The following CNKSR3 variants were observed in gnomAD, a reference collection of about 807,000 sequenced individuals.
The protein encoded by CNKSR3 is connector enhancer of kinase suppressor of ras 3.
Under a neutral mutation model 67.7 loss-of-function variants are expected in CNKSR3, and 36 were observed. The observed-to-expected ratio is 0.53, with a 90% CI of 0.41 to 0.70. The LOEUF is 0.70. Ranked by LOEUF, CNKSR3 falls within the 30% of genes least tolerant of loss-of-function variation. The pLI is 0.00. For synonymous variants in CNKSR3, 281 were observed against 271.4 expected (o/e 1.04, Z -0.35); for missense variants, 630 against 695.2 (o/e 0.91, Z 1.05).
chr6:154,452,935 G>C (rs1311229366), intron 1 of CNKSR3, among the ~76,000 whole-genome samples: 2 of 152,178 alleles, frequency 1.3e-5, no homozygotes, highest in East Asian at 3.8e-4. Context: ...AATTTCTGTT[G>C]TTCCGGCCTC....
At chr6:154,416,739 G>A (rs1785032131) in intron 9 of CNKSR3, among the ~76,000 whole-genome samples, 1 of 152,030 alleles carries the variant, frequency 6.6e-6, no homozygotes, top group African/African-American at 2.4e-5. Context: ...CCAGGGCTGG[G>A]GACTAAGTCT....
rs1014848904 is a variant in CNKSR3 at position 154,401,744 on chromosome 6, T to G, written c.*4610A>C. On this transcript the variant is annotated 3_prime_UTR_variant, in exon 13 of 13. Coordinates refer to ENST00000607772, the MANE Select transcript of CNKSR3 (RefSeq NM_173515.4). ...AATGTGAACTAATGGTCTACAAAAC[T>G]AATCTCATCTACAATAGAAGAAAAC... The G allele has an allele frequency of 6.6e-6, 1 of 152,196 alleles. No homozygotes were observed. The highest frequency in any genetic ancestry group is 2.4e-5 in the African/African-American group (1 of 41,446). The allele number at this position is 152,196 out of a possible 1,614,324, so 9.4% of individuals were successfully genotyped here.
intron 12 of CNKSR3, 88 bp from the exon 13 acceptor site, chr6:154,406,740 TG>T: frequency 8.5e-7 from 1 of 1,182,722 alleles, no homozygotes. Flanking sequence ...GAGGTCGAGG[TG>T]GGTGGATCAC....
In CNKSR3 at chr6:154,422,542, G is replaced by C. The variant is rs929318088; in HGVS notation, c.909C>G (p.Pro303=). The C allele has an allele frequency of 6.2e-7, 1 of 1,613,966 alleles. No individual in the cohort carries two copies. Among genetic ancestry groups the C allele is most frequent in the Non-Finnish European group, 8.5e-7 (1 of 1,180,008 alleles). The change falls in exon 9 of 13, where the codon CCC becomes CCG. Residue 303 remains proline, a synonymous_variant. Coordinates refer to ENST00000607772, the MANE Select transcript of CNKSR3 (RefSeq NM_173515.4). The part of the protein sequence containing the change: ...PTGSFNFTPA[P]LKNLRWKPPL... Reference sequence around the variant, plus strand: ...GTGGCTTCCACCGTAGGTTTTTCAGGGGAGCAGGAGTAAAGTTGAAAGACC... The same window carrying C: ...GTGGCTTCCACCGTAGGTTTTTCAGCGGAGCAGGAGTAAAGTTGAAAGACC...
chr6:154,449,974 G>C lies in CNKSR3; in HGVS notation c.216+121C>G. 4 of 1,012,246 alleles carry C rather than the reference G, an allele frequency of 4.0e-6. No homozygotes were observed. The South Asian group carries it at 7.7e-5, about 20-fold the overall frequency. The allele number at this position is 1,012,246 out of a possible 1,614,324, so 62.7% of individuals were successfully genotyped here. A position where few individuals can be genotyped will look rare whatever the true frequency, so the allele number is the denominator to read the frequency against. ...CCTTCCTATAGTATCTTCAGCTCATGTTTTATTTTGATGGAGCATTAAGGA... is the reference window on the plus strand; with the variant it reads ...CCTTCCTATAGTATCTTCAGCTCATCTTTTATTTTGATGGAGCATTAAGGA... On this transcript the variant is annotated intron_variant, in intron 2 of 12. Coordinates refer to ENST00000607772, the MANE Select transcript of CNKSR3 (RefSeq NM_173515.4).
chr6:154,444,889 A>T (rs939833083), intron 2 of CNKSR3, among the ~76,000 whole-genome samples: 1 of 152,098 alleles, frequency 6.6e-6, no homozygotes, highest in Admixed American at 6.6e-5. Context: ...ACAGGCATGA[A>T]CCACTGCACC....
intron 1 of CNKSR3, among the ~76,000 whole-genome samples, chr6:154,451,620 C>T (rs2128719405): frequency 1.3e-5 from 2 of 152,254 alleles, no homozygotes; most frequent in East Asian, 3.9e-4. Context: ...TAGAAAAGGC[C>T]CAGCACTTAC....
chr6:154,407,600 A>C (rs1015112503), intron 12 of CNKSR3, among the ~76,000 whole-genome samples: 9 of 152,030 alleles, frequency 5.9e-5, no homozygotes, highest in African/African-American at 2.2e-4. Flanking sequence ...TCCCAGGCTC[A>C]AGCGATCCTC....
chr6:154,482,755 T>C (rs1786590520), intron 1 of CNKSR3, among the ~76,000 whole-genome samples: 1 of 152,220 alleles, frequency 6.6e-6, no homozygotes. Flanking sequence ...TAGAGTTCTG[T>C]TGTTTAAATA....
chr6:154,444,643 G>A (rs931421898), intron 2 of CNKSR3, among the ~76,000 whole-genome samples: 11 of 135,810 alleles, frequency 8.1e-5, no homozygotes. Context: ...GTTTCACTCT[G>A]TCACCAGGCT....
At chr6:154,429,893 C>T (rs150288982) in intron 6 of CNKSR3, among the ~76,000 whole-genome samples, 74 of 152,244 alleles carry the variant, frequency 4.9e-4, no homozygotes, top group Non-Finnish European at 7.9e-4. Context: ...CCTCAAGAGC[C>T]GGGATTTAAA....
At chr6:154,424,925 C>A (rs775893694) in intron 7 of CNKSR3, among the ~76,000 whole-genome samples, 1 of 152,168 alleles carries the variant, frequency 6.6e-6, no homozygotes, top group African/African-American at 2.4e-5. Context: ...GCACCCACCA[C>A]CACGCCCAGC....
At chr6:154,476,916 C>T (rs774918594) in intron 1 of CNKSR3, among the ~76,000 whole-genome samples, 59 of 152,266 alleles carry the variant, frequency 3.9e-4, no homozygotes, top group Non-Finnish European at 2.8e-4. Context: ...TCTTAAGGTT[C>T]GGTTATCAGG....
chr6:154,497,217 T>C (rs1786897447), intron 1 of CNKSR3, among the ~76,000 whole-genome samples: 1 of 150,966 alleles, frequency 6.6e-6, no homozygotes, highest in Non-Finnish European at 1.5e-5. Context: ...AGACCTCGTT[T>C]CTACTAAAGT....
At position 154,406,563 on chromosome 6, in the gene CNKSR3, G is replaced by A. The variant is rs368606606; in HGVS notation, c.1459C>T (p.Pro487Ser). The change falls in exon 13 of 13, where the codon CCC (proline) becomes TCC (serine). Residue 487 changes from proline to serine, a missense_variant. By Grantham distance (74) the Pro-to-Ser change is moderately conservative. Around this residue, in one of 3 missense-constraint regions of CNKSR3, gnomAD observed 308 missense variants for 299.6 expected, o/e 1.03. Transcript: ENST00000607772. ...SSSPPYRFSR[P>S]TTERHLVRGA... ...CGGACCAGATGCCGCTCGGTCGTGG[G>A]TCTGGAGAACCGGTATGGGGGAGAG... 3 of 1,614,104 alleles carry A rather than the reference G, an allele frequency of 1.9e-6. No homozygotes were observed. The highest frequency in any genetic ancestry group is 2.2e-5 in the East Asian group (1 of 44,888).
At chr6:154,443,403 C>G (rs1005069266) in intron 2 of CNKSR3, among the ~76,000 whole-genome samples, 3 of 152,090 alleles carry the variant, frequency 2.0e-5, no homozygotes, top group African/African-American at 7.2e-5. Context: ...GCAGTAGTAC[C>G]TCCTCCCCCG....
intron 1 of CNKSR3, among the ~76,000 whole-genome samples, chr6:154,460,266 A>G (rs115760218): frequency 1.3e-5 from 2 of 152,230 alleles, no homozygotes; most frequent in East Asian, 3.8e-4. Context: ...GCAGCCCTCA[A>G]TATTCTCCTT....
chr6:154,478,189 C>G (rs1786493249), intron 1 of CNKSR3: 1 of 153,026 alleles, frequency 6.5e-6, no homozygotes, highest in African/African-American at 2.4e-5. Flanking sequence ...GCTGGCCAAG[C>G]TCCTCCTCCG....
intron 1 of CNKSR3, among the ~76,000 whole-genome samples, chr6:154,464,641 G>T (rs983340089): frequency 6.6e-6 from 1 of 151,384 alleles, no homozygotes; most frequent in Non-Finnish European, 1.5e-5. Context: ...GCTTGAACCC[G>T]AGAGGTGGAG....
Sources: allele counts gnomAD v4.1 joint callset (sites outside exome capture counted in the v4.1 genomes callset), GRCh38; gene constraint gnomAD v4.1.1; regional missense constraint gnomAD v4.1.1; transcripts MANE v1.5; gene names NCBI Gene and HGNC (gene_info 2026-07-23, HGNC 2026-07-21).